Variants in ABRAXAS1 observed in about 807,000 individuals in gnomAD.
ABRAXAS1 encodes the protein abraxas 1, BRCA1 A complex subunit, also known as BRCA1-A complex subunit Abraxas 1.
In ABRAXAS1, 26 loss-of-function variants were observed where a neutral mutation model predicts 38.4. The ratio of observed to expected loss-of-function variants is 0.68; its 90% confidence interval spans 0.50 to 0.94. ABRAXAS1 has a LOEUF of 0.94. Ranked by LOEUF, ABRAXAS1 falls within the 40% of genes least tolerant of loss-of-function variation. The pLI, the probability that ABRAXAS1 is intolerant of heterozygous loss-of-function variation, is 0.00. For synonymous variants in ABRAXAS1, 144 were observed against 165.5 expected, an observed-to-expected ratio of 0.87 and a Z score of 1.00; for missense variants, 438 against 481.9, an observed-to-expected ratio of 0.91 and a Z score of 0.85.
intron 3 of ABRAXAS1, among the ~76,000 whole-genome samples, chr4:83,476,213 G>C (rs1722763367): frequency 6.6e-6 from 1 of 151,956 alleles, no homozygotes; most frequent in Middle Eastern, 3.2e-3. Context: ...AAAAGAAAAA[G>C]AACATAACCA....
intron 6 of ABRAXAS1, among the ~76,000 whole-genome samples, chr4:83,467,774 C>T (rs528877361): frequency 1.1e-4 from 16 of 151,550 alleles, no homozygotes; most frequent in East Asian, 1.9e-4. Flanking sequence ...CCCAAAAAGG[C>T]GAGGATGGGC....
rs139050435 is a variant in ABRAXAS1, at chr4:83,464,101, C to T, written c.682-493G>A. On this transcript the variant is annotated intron_variant, in intron 7 of 8. Coordinates refer to ENST00000321945, the MANE Select transcript of ABRAXAS1 (RefSeq NM_139076.3). ...ACTCAGGAGACTGAGGCAGGTGAAT[C>T]GCTTGAACCCAGGAAGCAGAGGTTG... 7.1e-3 allele frequency among the ~76,000 whole-genome samples: 1,078 copies of T among 152,220 alleles called. 11 individuals carry two copies. Among genetic ancestry groups the T allele is most frequent in the African/African-American group, 0.025 (1,028 of 41,558 alleles).
At chr4:83,467,625 A>G (rs1343837874) in intron 6 of ABRAXAS1, 87 bp from the exon 7 acceptor site, 20 of 729,302 alleles carry the variant, frequency 2.7e-5, no homozygotes, top group Non-Finnish European at 4.3e-5. Flanking sequence ...AAGGACCAAT[A>G]GAAGAGTCTT....
intron 3 of ABRAXAS1, among the ~76,000 whole-genome samples, chr4:83,473,047 G>T (rs992661581): frequency 3.3e-4 from 50 of 152,276 alleles, no homozygotes; most frequent in Non-Finnish European, 6.6e-4. Context: ...GGGAGGCTGA[G>T]GGGGGTGGAT....
intron 1 of ABRAXAS1, 44 bp downstream of exon 1, chr4:83,484,942 C>A: frequency 1.3e-6 from 2 of 1,501,430 alleles, no homozygotes; most frequent in Non-Finnish European, 1.8e-6. Flanking sequence ...GCGCGCAGGG[C>A]TCTTCCCAGG....
At position 83,463,452 on chromosome 4, in the gene ABRAXAS1, A is replaced by C. The variant is rs1306187191; in HGVS notation, c.796+42T>G. 2.9e-6 allele frequency: 4 copies of C among 1,398,218 alleles called. No homozygotes were observed. The African/African-American group carries it at 5.8e-5, about 20-fold the overall frequency. The allele number at this position is 1,398,218 out of a possible 1,614,324, so 86.6% of individuals were successfully genotyped here. A position where few individuals can be genotyped will look rare whatever the true frequency, so the allele number is the denominator to read the frequency against. On this transcript the variant is annotated intron_variant, in intron 8 of 8. Transcript: ENST00000321945. ...CGTCTCAAAAATAAATAAATAAATA[A>C]AAATTTTTAGCACAGAAAGTAGAGA...
In ABRAXAS1 at chr4:83,460,858, A is replaced by G; in HGVS notation, c.*1611T>C. 2.4e-6 allele frequency: 2 copies of G among 830,270 alleles called. 1 individual carries two copies. Among genetic ancestry groups the G allele is most frequent in the South Asian group, 3.1e-5 (2 of 64,344 alleles). The allele number at this position is 830,270 out of a possible 1,614,324, so 51.4% of individuals were successfully genotyped here. A position where few individuals can be genotyped will look rare whatever the true frequency, so the allele number is the denominator to read the frequency against. On this transcript the variant is annotated 3_prime_UTR_variant, in exon 9 of 9. Transcript: ENST00000321945. The stretch of plus-strand genomic sequence containing the variant: ...GTGGCGGAGGTTGCAGTGAGGCGAG[A>G]GAGCACCACTGTACTCCAGCCTGGG...
At chr4:83,465,299 C>CAAAAAAAAAAAAAAA (rs35072866) in intron 7 of ABRAXAS1, among the ~76,000 whole-genome samples, 8 of 88,196 alleles carry the variant, frequency 9.1e-5, no homozygotes, top group African/African-American at 2.4e-4. Context: ...GACTCTGTCT[C>CAAAAAAAAAAAAAAA]AAAAAAAAAA....
In ABRAXAS1 at chr4:83,462,208, T is replaced by A; in HGVS notation, c.*261A>T. ...GTGCCTGGTCTCACTTTTCCAATTC[T>A]AAAGAATGTGTCTGTGTAAGCCTTC... On this transcript the variant is annotated 3_prime_UTR_variant, in exon 9 of 9. Transcript: ENST00000321945. The A allele has an allele frequency of 2.6e-6, 1 of 383,096 alleles. No individual in the cohort carries two copies. Among genetic ancestry groups the A allele is most frequent in the Non-Finnish European group, 4.7e-6 (1 of 214,760 alleles). 23.7% of individuals were successfully genotyped at this position (383,096 alleles called of 1,614,324 possible). A position where few individuals can be genotyped will look rare whatever the true frequency, so the allele number is the denominator to read the frequency against.
chr4:83,472,464 G>A (rs1239160398), intron 3 of ABRAXAS1, among the ~76,000 whole-genome samples, 176 bp from the exon 4 acceptor site: 1 of 152,138 alleles, frequency 6.6e-6, no homozygotes, highest in Non-Finnish European at 1.5e-5. Context: ...CTGACTTAAA[G>A]TGGTAGAAAC....
intron 5 of ABRAXAS1, 80 bp from the exon 6 acceptor site, chr4:83,469,231 C>T: frequency 6.3e-6 from 8 of 1,266,546 alleles, no homozygotes; most frequent in Non-Finnish European, 9.1e-6. Context: ...GATTACTTGT[C>T]CCCTACAAGA....
intron 2 of ABRAXAS1, among the ~76,000 whole-genome samples, chr4:83,476,896 T>C (rs1722794336): frequency 6.6e-6 from 1 of 152,200 alleles, no homozygotes; most frequent in Admixed American, 6.5e-5. Context: ...AATCCAGTGG[T>C]AGGGCCAGAG....
At chr4:83,465,283 C>T (rs1722305203) in intron 7 of ABRAXAS1, among the ~76,000 whole-genome samples, 1 of 111,802 alleles carries the variant, frequency 8.9e-6, no homozygotes, top group Non-Finnish European at 1.7e-5. Flanking sequence ...CCAGGCGACA[C>T]ACTGAGACTC....
chr4:83,470,413 A>C lies in ABRAXAS1; in HGVS notation c.283-17T>G. ...TACCACATTCTGAAATACAGAATAAAAAGGATATACATCTTAATAGTTACA... is the reference window on the plus strand; with the variant it reads ...TACCACATTCTGAAATACAGAATAACAAGGATATACATCTTAATAGTTACA... On this transcript the variant is annotated splice_polypyrimidine_tract_variant and intron_variant, in intron 4 of 8. Transcript: ENST00000321945. 6.3e-7 allele frequency: 1 copy of C among 1,579,090 alleles called. No individual in the cohort carries two copies. The highest frequency in any genetic ancestry group is 8.7e-7 in the Non-Finnish European group (1 of 1,151,006).
Position 83,462,352 on chromosome 4 carries a change from T to A in ABRAXAS1, c.*117A>T. The A allele has an allele frequency of 1.1e-6, 1 of 870,806 alleles. No homozygotes were observed. The highest frequency in any genetic ancestry group is 1.8e-6 in the Non-Finnish European group (1 of 557,960). 53.9% of individuals were successfully genotyped at this position (870,806 alleles called of 1,614,324 possible). On this transcript the variant is annotated 3_prime_UTR_variant, in exon 9 of 9. Transcript: ENST00000321945. Reference sequence around the variant, plus strand: ...TTATCTGTGTATTACTGCAAACAGGTGAACATAGTAAAAACAAATGAACTT... The same window carrying A: ...TTATCTGTGTATTACTGCAAACAGGAGAACATAGTAAAAACAAATGAACTT...
rs770769937 is a variant in ABRAXAS1 at position 83,482,162 on chromosome 4, T to C, written c.170A>G (p.Tyr57Cys). 1.2e-6 allele frequency: 2 copies of C among 1,601,928 alleles called. No homozygotes were observed. The highest frequency in any genetic ancestry group is 1.7e-6 in the Non-Finnish European group (2 of 1,171,836). ...DSQMDDVEVV[Y>C]TIDIQKYIPC... is the part of the protein sequence containing the mutation. Reference sequence around the variant, plus strand: ...AGAAATAAATAACTCACCAATTGTATAAACAACTTCAACATCATCCATTTG... The same window carrying C: ...AGAAATAAATAACTCACCAATTGTACAAACAACTTCAACATCATCCATTTG... The change falls in exon 2 of 9, where the codon TAT (tyrosine) becomes TGT (cysteine). Residue 57 changes from tyrosine (Y) to cysteine (C), a missense_variant. Physicochemically the swap from Tyr to Cys is radical, Grantham distance 194. Around this residue, in one of 3 missense-constraint regions of ABRAXAS1, gnomAD observed 194 missense variants for 269.0 expected, o/e 0.72. Coordinates refer to ENST00000321945, the MANE Select transcript of ABRAXAS1 (RefSeq NM_139076.3).
intron 7 of ABRAXAS1, among the ~76,000 whole-genome samples, chr4:83,464,813 A>T (rs1472593677): frequency 6.6e-6 from 1 of 152,204 alleles, no homozygotes; most frequent in Non-Finnish European, 1.5e-5. Flanking sequence ...TGGATGAAGA[A>T]ACAAAAAGGT....
intron 1 of ABRAXAS1, among the ~76,000 whole-genome samples, chr4:83,483,677 G>A (rs1723072895): frequency 6.6e-6 from 1 of 152,032 alleles, no homozygotes; most frequent in South Asian, 2.1e-4. Flanking sequence ...AGAATCTAGT[G>A]TTCTTGATTT....
chr4:83,460,953 G>A lies in ABRAXAS1; in HGVS notation c.*1516C>T. The A allele has an allele frequency of 6.3e-7, 1 of 1,582,616 alleles. No homozygotes were observed. The highest frequency in any genetic ancestry group is 8.6e-7 in the Non-Finnish European group (1 of 1,169,346). ...AAATATTGACATTTTTTATGAATAA[G>A]AAAGCTTTTTATTTTACAGGTCTTT... On this transcript the variant is annotated 3_prime_UTR_variant, in exon 9 of 9. Coordinates refer to ENST00000321945, the MANE Select transcript of ABRAXAS1 (RefSeq NM_139076.3).
Sources: allele counts gnomAD v4.1 joint callset (sites outside exome capture counted in the v4.1 genomes callset), GRCh38; gene constraint gnomAD v4.1.1; regional missense constraint gnomAD v4.1.1; transcripts MANE v1.5; gene names NCBI Gene and HGNC (gene_info 2026-07-23, HGNC 2026-07-21).